The following PIK3C2A variants were observed in gnomAD, a reference collection of about 807,000 sequenced individuals.
The protein encoded by PIK3C2A is phosphatidylinositol-4-phosphate 3-kinase catalytic subunit type 2 alpha, also known as phosphatidylinositol 4-phosphate 3-kinase C2 domain-containing subunit alpha.
A neutral mutation model predicts 204.5 loss-of-function variants in PIK3C2A; 97 were observed. The observed-to-expected ratio is 0.47, with a 90% CI of 0.40 to 0.56. PIK3C2A has a LOEUF of 0.56. Among genes scored for constraint, PIK3C2A ranks in the 20% least tolerant of loss-of-function variants. PIK3C2A has a pLI of 0.00. For missense variants in PIK3C2A, 1,735 were observed against 1,969.2 expected, an observed-to-expected ratio of 0.88 and a Z score of 2.25; for synonymous variants, 653 against 664.4, an observed-to-expected ratio of 0.98 and a Z score of 0.26.
intron 1 of PIK3C2A, among the ~76,000 whole-genome samples, chr11:17,181,105 T>G (rs946444581): frequency 6.6e-6 from 1 of 152,138 alleles, no homozygotes; most frequent in African/African-American, 2.4e-5. Context: ...TTCCATACCC[T>G]TTCTGGACAC....
chr11:17,176,595 C>A (rs929116605), intron 1 of PIK3C2A, among the ~76,000 whole-genome samples: 1 of 151,960 alleles, frequency 6.6e-6, no homozygotes, highest in Non-Finnish European at 1.5e-5. Context: ...TCGAGACCAG[C>A]GTGGGCAACA....
intron 8 of PIK3C2A, among the ~76,000 whole-genome samples, chr11:17,144,916 A>AAT (rs1850183399): frequency 7.4e-6 from 1 of 134,512 alleles, no homozygotes; most frequent in Non-Finnish European, 1.6e-5. Flanking sequence ...AAAAAAAAAA[A>AAT]AAAAAAGTCT....
At chr11:17,155,895 C>T (rs375550886) in intron 2 of PIK3C2A, among the ~76,000 whole-genome samples, 8 of 152,220 alleles carry the variant, frequency 5.3e-5, no homozygotes, top group African/African-American at 1.9e-4. Context: ...AAGACCTTTC[C>T]ATTCAAAATA....
intron 3 of PIK3C2A, among the ~76,000 whole-genome samples, chr11:17,151,936 G>A (rs912832842): frequency 2.6e-5 from 4 of 152,006 alleles, no homozygotes; most frequent in East Asian, 1.9e-4. Flanking sequence ...ATCAAATCAC[G>A]AAATTAATGT....
At chr11:17,122,051 A>T in intron 15 of PIK3C2A, 137 bp downstream of exon 15, 1 of 531,680 alleles carries the variant, frequency 1.9e-6, no homozygotes, top group Non-Finnish European at 3.3e-6. Context: ...AAGGAAAAAA[A>T]GTAAGTTAAA....
Position 17,117,663 on chromosome 11 carries a change from T to C in PIK3C2A, c.3044A>G (p.Lys1015Arg). The C allele has an allele frequency of 6.3e-7, 1 of 1,596,824 alleles. No individual in the cohort carries two copies. The highest frequency in any genetic ancestry group is 8.6e-7 in the Non-Finnish European group (1 of 1,167,800). Residue 1015 changes from lysine to arginine, a missense_variant, in exon 19 of 33, where the codon AAA becomes AGA. Physicochemically the swap from Lys to Arg is conservative, Grantham distance 26. Coordinates refer to ENST00000691414, the MANE Select transcript of PIK3C2A (RefSeq NM_002645.4). ...AAACTGTACATCATGCAGGGCATCT[T>C]TGAGAAGCCTAATACAGCAAAATAT... ...QIAHNLYWLL[K>R]DALHDVQFST... is the part of the protein sequence containing the mutation.
rs1485111535 is a variant in PIK3C2A, at chr11:17,178,711, GAATTTTTTTT to G, written c.-65-8915_-65-8906del. 4.5e-5 allele frequency among the ~76,000 whole-genome samples: 4 copies of G among 89,262 alleles called. 1 individual carries two copies. The highest frequency in any genetic ancestry group is 1.3e-4 in the African/African-American group (3 of 22,554). 58.6% of individuals were successfully genotyped at this position (89,262 alleles called of 152,430 possible). On this transcript the variant is annotated intron_variant, in intron 1 of 32. Transcript: ENST00000691414. ...TAGCCACCACACCTGGTTGATTTTTGAATTTTTTTTTTTTTTTTTTTTTTTTTTTGAGACG... is the reference window on the plus strand; with the variant it reads ...TAGCCACCACACCTGGTTGATTTTTGTTTTTTTTTTTTTTTTTTTGAGACG...
At chr11:17,103,194 G>C (rs138021383) in intron 23 of PIK3C2A, among the ~76,000 whole-genome samples, 163 of 63,232 alleles carry the variant, frequency 2.6e-3, no homozygotes, top group African/African-American at 0.011. Flanking sequence ...CCACAAACAT[G>C]ATGGATAGAA....
intron 27 of PIK3C2A, among the ~76,000 whole-genome samples, chr11:17,096,649 A>G (rs1848464414): frequency 6.6e-6 from 1 of 152,250 alleles, no homozygotes; most frequent in African/African-American, 2.4e-5. Flanking sequence ...CAAAAAAGGT[A>G]GCACAAGGGT....
At chr11:17,118,764 A>C in intron 17 of PIK3C2A, 25 bp from the exon 18 acceptor site, 1 of 1,119,506 alleles carries the variant, frequency 8.9e-7, no homozygotes, top group Non-Finnish European at 1.4e-6. Flanking sequence ...AATAAGAATT[A>C]TTAGTGGTCT....
chr11:17,197,166 G>A (rs1027983871), intron 1 of PIK3C2A, among the ~76,000 whole-genome samples: 16 of 151,902 alleles, frequency 1.1e-4, no homozygotes, highest in African/African-American at 2.9e-4. Context: ...GATTATAGGC[G>A]AGCACCACCA....
At chr11:17,168,636 T>C in intron 2 of PIK3C2A, 41 bp downstream of exon 2, 1 of 1,258,418 alleles carries the variant, frequency 7.9e-7, no homozygotes, top group Non-Finnish European at 1.1e-6. Context: ...ATGAACTCTG[T>C]GTTATACTAA....
intron 3 of PIK3C2A, among the ~76,000 whole-genome samples, chr11:17,153,576 C>T (rs562663955): frequency 1.3e-5 from 2 of 152,144 alleles, no homozygotes; most frequent in South Asian, 4.2e-4. Flanking sequence ...CAATGTATTA[C>T]AGAATCTTAA....
chr11:17,198,885 G>A (rs190713845), intron 1 of PIK3C2A, among the ~76,000 whole-genome samples: 21 of 152,070 alleles, frequency 1.4e-4, no homozygotes, highest in African/African-American at 4.8e-4. Context: ...TTGGGAGGCC[G>A]AGGTGGGTGG....
intron 19 of PIK3C2A, among the ~76,000 whole-genome samples, chr11:17,115,181 A>G (rs1849138871): frequency 6.6e-6 from 1 of 152,104 alleles, no homozygotes; most frequent in African/African-American, 2.4e-5. Context: ...ATGAAAAAGA[A>G]CAAAGTAGGA....
At chr11:17,131,769 T>C in intron 12 of PIK3C2A, 147 bp downstream of exon 12, 1 of 706,526 alleles carries the variant, frequency 1.4e-6, no homozygotes, top group Non-Finnish European at 2.4e-6. Context: ...TATAAAATCA[T>C]ATCTAGAAGA....
At chr11:17,113,782 A>C (rs1236310) in intron 20 of PIK3C2A, among the ~76,000 whole-genome samples, 50,381 of 120,982 alleles carry the variant, frequency 0.42, 8,240 homozygotes, top group Non-Finnish European at 0.48. Context: ...ACTCCATCTC[A>C]AAAAAAAAAA....
At chr11:17,201,513 G>A (rs561044721) in intron 1 of PIK3C2A, among the ~76,000 whole-genome samples, 5 of 124,906 alleles carry the variant, frequency 4.0e-5, no homozygotes, top group South Asian at 2.5e-4. Context: ...GTGAAAGAAC[G>A]TGACTCCGTC....
chr11:17,174,151 T>C (rs952776993), intron 1 of PIK3C2A, among the ~76,000 whole-genome samples: 1 of 150,952 alleles, frequency 6.6e-6, no homozygotes, highest in South Asian at 2.1e-4. Context: ...CAAGAGGGAG[T>C]GAGGGCTATT....
Sources: allele counts gnomAD v4.1 joint callset (sites outside exome capture counted in the v4.1 genomes callset), GRCh38; gene constraint gnomAD v4.1.1; transcripts MANE v1.5; gene names NCBI Gene and HGNC (gene_info 2026-07-23, HGNC 2026-07-21).